The following NTM variants were observed in gnomAD, a reference collection of about 807,000 sequenced individuals.
NTM encodes the protein IgLON family member 2.
In NTM, 13 loss-of-function variants were observed where a neutral mutation model predicts 42.1. The ratio of observed to expected loss-of-function variants is 0.31; its 90% CI spans 0.20 to 0.49. NTM has a LOEUF of 0.49. Ranked by LOEUF, NTM falls within the 20% of genes least tolerant of loss-of-function variation. The pLI, the probability that NTM is intolerant of heterozygous loss-of-function variation, is 0.99. For missense variants in NTM, 373 were observed against 452.8 expected, an observed-to-expected ratio of 0.82 and a Z score of 1.60; for synonymous variants, 187 against 179.2, an observed-to-expected ratio of 1.04 and a Z score of -0.35.
At chr11:131,742,338 C>T (rs574613166) in intron 1 of NTM, among the ~76,000 whole-genome samples, 1 of 152,284 alleles carries the variant, frequency 6.6e-6, no homozygotes, top group African/African-American at 2.4e-5. Flanking sequence ...CTTTATTTTA[C>T]AAGTCACATG....
intron 1 of NTM, among the ~76,000 whole-genome samples, chr11:131,644,116 A>G (rs1372824654): frequency 2.0e-5 from 3 of 152,138 alleles, no homozygotes; most frequent in African/African-American, 7.2e-5. Flanking sequence ...AGGAGGTTGC[A>G]TGCGACCTCC....
chr11:131,741,368 G>T (rs2081187405), intron 1 of NTM, among the ~76,000 whole-genome samples: 2 of 152,086 alleles, frequency 1.3e-5, no homozygotes. Context: ...CATCACTGGG[G>T]GTCTGAGTGC....
intron 1 of NTM, among the ~76,000 whole-genome samples, chr11:131,845,663 C>G (rs1244396393): frequency 6.6e-6 from 1 of 151,268 alleles, no homozygotes; most frequent in Non-Finnish European, 1.5e-5. Context: ...CAACTTTGCA[C>G]TCCTGAGATA....
intron 3 of NTM, among the ~76,000 whole-genome samples, chr11:132,181,162 A>T (rs2077518898): frequency 6.6e-6 from 1 of 152,168 alleles, no homozygotes; most frequent in Non-Finnish European, 1.5e-5. Flanking sequence ...CCAACTTTTC[A>T]TGAAACTACT....
chr11:131,477,864 A>G (rs563354656), intron 1 of NTM, among the ~76,000 whole-genome samples: 1 of 150,834 alleles, frequency 6.6e-6, no homozygotes, highest in Non-Finnish European at 1.5e-5. Context: ...TTTCTTCCCT[A>G]TCCTTACCTA....
intron 1 of NTM, among the ~76,000 whole-genome samples, chr11:131,603,686 C>T (rs2060678335): frequency 2.0e-5 from 3 of 152,198 alleles, no homozygotes; most frequent in African/African-American, 7.2e-5. Flanking sequence ...GCACTCTTGA[C>T]ATTGTCCCGT....
chr11:132,018,778 G>A (rs1343992549), intron 2 of NTM, among the ~76,000 whole-genome samples: 1 of 151,982 alleles, frequency 6.6e-6, no homozygotes, highest in African/African-American at 2.4e-5. Flanking sequence ...TTTTGGAAGA[G>A]TTTGTGAAGT....
chr11:131,525,146 T>G (rs956983539), intron 1 of NTM, among the ~76,000 whole-genome samples: 2 of 152,034 alleles, frequency 1.3e-5, no homozygotes, highest in Non-Finnish European at 2.9e-5. Flanking sequence ...GGAAGGGACA[T>G]GGCCCCAGAG....
At chr11:131,832,895 A>G (rs2042999369) in intron 1 of NTM, among the ~76,000 whole-genome samples, 1 of 152,266 alleles carries the variant, frequency 6.6e-6, no homozygotes, top group Non-Finnish European at 1.5e-5. Context: ...ATTTTAAAAT[A>G]TAATTTAGGC....
rs1396275536 is a variant in NTM, at chr11:132,002,788, G to A, written c.167+91140G>A. Among the ~76,000 whole-genome samples, 1 of 152,128 alleles carries A rather than the reference G, an allele frequency of 6.6e-6. No individual in the cohort carries two copies. The highest frequency in any genetic ancestry group is 1.5e-5 in the Non-Finnish European group (1 of 68,026). Reference sequence around the variant, plus strand: ...TATCAATAAACTCATTGGGAAAAGTGGAGGAAATCATAGTAACGATTTATT... The same window carrying A: ...TATCAATAAACTCATTGGGAAAAGTAGAGGAAATCATAGTAACGATTTATT... On this transcript the variant is annotated intron_variant, in intron 2 of 8. Coordinates refer to ENST00000683400, the MANE Select transcript of NTM (RefSeq NM_001352005.2). This position sits in a 1 kb window ranked among gnomAD's most constrained non-coding sequence, Gnocchi z 4.5.
At chr11:131,466,046 G>A (rs1372909652) in intron 1 of NTM, among the ~76,000 whole-genome samples, 2 of 152,214 alleles carry the variant, frequency 1.3e-5, no homozygotes, top group Non-Finnish European at 2.9e-5. Flanking sequence ...GAACCTACAA[G>A]CTTTTGCCCA....
In NTM at chr11:132,335,135, C is replaced by G. The variant is rs1381204384; in HGVS notation, c.1057C>G (p.Leu353Val). ...GCCTCTTCTGGTCTTGCACCTGCTT[C>G]TCAAATTTTGATGTGAGTGCCACTT... ...LLPLLVLHLL[L>V]KF The change falls in exon 9 of 9, where the codon CTC (leucine) becomes GTC (valine). Residue 353 changes from leucine to valine, a missense_variant. Transcript: ENST00000683400. 5 of 1,612,472 alleles carry G rather than the reference C, an allele frequency of 3.1e-6. No homozygotes were observed. Among genetic ancestry groups the G allele is most frequent in the Non-Finnish European group, 4.2e-6 (5 of 1,179,988 alleles).
intron 1 of NTM, among the ~76,000 whole-genome samples, chr11:131,619,915 C>T (rs1389369354): frequency 6.6e-6 from 1 of 151,826 alleles, no homozygotes. Context: ...AGTGATTCTC[C>T]TGCCTCAGCC....
chr11:132,322,920 T>C (rs1013335145), intron 7 of NTM, among the ~76,000 whole-genome samples: 1 of 143,934 alleles, frequency 6.9e-6, no homozygotes, highest in African/African-American at 2.6e-5. Context: ...AACCCGCTCC[T>C]GAATGACTAC....
intron 7 of NTM, among the ~76,000 whole-genome samples, chr11:132,329,939 T>C (rs1475453182): frequency 3.3e-5 from 5 of 152,168 alleles, no homozygotes; most frequent in Admixed American, 6.5e-5. Context: ...TGCTCACCTC[T>C]TGAGGCAACT....
intron 1 of NTM, among the ~76,000 whole-genome samples, chr11:131,416,872 A>C (rs185116737): frequency 1.5e-4 from 23 of 152,330 alleles, no homozygotes; most frequent in Non-Finnish European, 2.8e-4. Flanking sequence ...GATAAAAATA[A>C]ATGTTGTTCT....
intron 1 of NTM, among the ~76,000 whole-genome samples, chr11:131,429,072 T>C (rs1948441883): frequency 6.6e-6 from 1 of 151,580 alleles, no homozygotes; most frequent in African/African-American, 2.4e-5. Context: ...ATAAAGAAAT[T>C]CTGCTCCAGA....
intron 1 of NTM, among the ~76,000 whole-genome samples, chr11:131,437,943 G>C (rs1473954530): frequency 1.3e-5 from 2 of 152,126 alleles, no homozygotes; most frequent in African/African-American, 4.8e-5. Flanking sequence ...TCCATGTTTA[G>C]TGTTCCTTCA....
intron 3 of NTM, among the ~76,000 whole-genome samples, chr11:132,195,661 C>A (rs1208438454): frequency 6.6e-6 from 1 of 152,152 alleles, no homozygotes; most frequent in Non-Finnish European, 1.5e-5. Context: ...TTCATACCTA[C>A]AATCATCTAA....
Sources: allele counts gnomAD v4.1 joint callset (sites outside exome capture counted in the v4.1 genomes callset), GRCh38; gene constraint gnomAD v4.1.1; non-coding constraint Gnocchi (gnomAD v3.1); transcripts MANE v1.5; gene names NCBI Gene and HGNC (gene_info 2026-07-23, HGNC 2026-07-21).